CREB5: variants seen among roughly 807,000 people sequenced by gnomAD.
CREB5 encodes cyclic AMP-responsive element-binding protein 5.
CREB5 carries 19 observed loss-of-function variants against 57.1 expected under a neutral mutation model. The ratio of observed to expected loss-of-function variants is 0.33; its 90% CI spans 0.23 to 0.49. CREB5 has a LOEUF of 0.49. Among genes scored for constraint, CREB5 ranks in the 20% least tolerant of loss-of-function variants. The pLI, the probability that CREB5 is intolerant of heterozygous loss-of-function variation, is 0.99. For synonymous variants in CREB5, 238 were observed against 238.3 expected (o/e 1.00, Z 0.01); for missense variants, 579 against 671.6 (o/e 0.86, Z 1.52).
At chr7:28,695,187 AT>A (rs1801484450) in intron 5 of CREB5, among the ~76,000 whole-genome samples, 1 of 152,214 alleles carries the variant, frequency 6.6e-6, no homozygotes, top group African/African-American at 2.4e-5. Context: ...TGATGGCACC[AT>A]TGCACTACAG....
chr7:28,595,848 CAG>C (rs1691832579), intron 5 of CREB5, among the ~76,000 whole-genome samples: 2 of 152,124 alleles, frequency 1.3e-5, no homozygotes, highest in South Asian at 4.1e-4. Context: ...TCAGAGGGGC[CAG>C]GCCAGTTTTC....
At chr7:28,318,511 G>T (rs1785421150) in intron 1 of CREB5, among the ~76,000 whole-genome samples, 1 of 152,226 alleles carries the variant, frequency 6.6e-6, no homozygotes, top group South Asian at 2.1e-4. Flanking sequence ...ATTCATTTTA[G>T]AAAAAGTATG....
At chr7:28,588,508 C>G (rs1562814834) in intron 5 of CREB5, among the ~76,000 whole-genome samples, 1 of 152,192 alleles carries the variant, frequency 6.6e-6, no homozygotes, top group Non-Finnish European at 1.5e-5. Context: ...TGTGCAGCTT[C>G]TTAATTTAAA....
At chr7:28,421,326 C>A (rs1385152787) in intron 1 of CREB5, among the ~76,000 whole-genome samples, 2 of 152,114 alleles carry the variant, frequency 1.3e-5, no homozygotes, top group African/African-American at 4.8e-5. Context: ...TGATTTCATT[C>A]TTTTTTATGG....
intron 5 of CREB5, among the ~76,000 whole-genome samples, chr7:28,579,169 G>C (rs1796022020): frequency 6.6e-6 from 1 of 152,162 alleles, no homozygotes; most frequent in Non-Finnish European, 1.5e-5. Flanking sequence ...TCTAATAAAT[G>C]CTTTCTCGTA....
Position 28,495,491 on chromosome 7 carries a change from G to A in CREB5, c.169+492G>A, listed in dbSNP as rs560518336. ...CGGGAGGGGGAGGTTGCAGTGAGCTGAGATCATGCCACTGCACTCCAGCCT... is the reference window on the plus strand; with the variant it reads ...CGGGAGGGGGAGGTTGCAGTGAGCTAAGATCATGCCACTGCACTCCAGCCT... On this transcript the variant is annotated intron_variant, in intron 3 of 10. Transcript: ENST00000357727. 7.7e-4 allele frequency among the ~76,000 whole-genome samples: 116 copies of A among 150,548 alleles called. 1 individual carries two copies. Among genetic ancestry groups the A allele is most frequent in the Admixed American group, 3.0e-3 (46 of 15,100 alleles).
chr7:28,536,809 G>A (rs931190018), intron 4 of CREB5, among the ~76,000 whole-genome samples: 2 of 152,090 alleles, frequency 1.3e-5, no homozygotes, highest in Non-Finnish European at 2.9e-5. Context: ...CCCTAAAAAA[G>A]TAGCTATTTT....
chr7:28,555,568 T>C (rs1794832552), intron 4 of CREB5, among the ~76,000 whole-genome samples: 1 of 152,236 alleles, frequency 6.6e-6, no homozygotes, highest in African/African-American at 2.4e-5. Flanking sequence ...AAGACATCTA[T>C]CTGAAAAACG....
chr7:28,720,102 G>C (rs919601142), intron 6 of CREB5, among the ~76,000 whole-genome samples: 1 of 152,052 alleles, frequency 6.6e-6, no homozygotes, highest in African/African-American at 2.4e-5. Context: ...ACATAGAAGG[G>C]AGATACCCAG....
chr7:28,423,237 T>C (rs1436002009), intron 1 of CREB5, among the ~76,000 whole-genome samples: 1 of 152,232 alleles, frequency 6.6e-6, no homozygotes, highest in East Asian at 1.9e-4. Context: ...ATCAGCACCC[T>C]GTCTGAGCCT....
intron 1 of CREB5, among the ~76,000 whole-genome samples, chr7:28,357,619 TTTATCTCTCTGCTTTAGAGATG>T (rs2127991587): frequency 6.6e-6 from 1 of 152,334 alleles, no homozygotes; most frequent in South Asian, 2.1e-4. Context: ...CTGCTAGGCT[TTTATCTCTCTGCTTTAGAGATG>T]CGTGACTTCG....
chr7:28,757,974 C>T (rs1805431456), intron 7 of CREB5, among the ~76,000 whole-genome samples: 1 of 152,076 alleles, frequency 6.6e-6, no homozygotes, highest in African/African-American at 2.4e-5. Context: ...GTCCCAGTAG[C>T]AGTAGTATTA....
intron 5 of CREB5, among the ~76,000 whole-genome samples, chr7:28,639,162 A>T: frequency 6.6e-6 from 1 of 152,292 alleles, no homozygotes; most frequent in East Asian, 1.9e-4. Context: ...AGCCTCTCCT[A>T]ATATTTAACT....
intron 1 of CREB5, among the ~76,000 whole-genome samples, chr7:28,321,732 C>T (rs1279298330): frequency 6.6e-6 from 1 of 152,142 alleles, no homozygotes; most frequent in African/African-American, 2.4e-5. Flanking sequence ...GCCCCAAGCC[C>T]TAGTGCACAC....
chr7:28,618,624 A>G (rs1473622758), intron 5 of CREB5, among the ~76,000 whole-genome samples: 1 of 152,128 alleles, frequency 6.6e-6, no homozygotes, highest in African/African-American at 2.4e-5. Context: ...CTATACACAG[A>G]TACAGTCACA....
chr7:28,449,288 C>T (rs866778162), intron 1 of CREB5, among the ~76,000 whole-genome samples: 1 of 152,222 alleles, frequency 6.6e-6, no homozygotes, highest in East Asian at 1.9e-4. Context: ...TATTTGTTAG[C>T]TGTTGTAACA....
chr7:28,562,364 C>T (rs904943884), intron 4 of CREB5, among the ~76,000 whole-genome samples: 85 of 152,132 alleles, frequency 5.6e-4, no homozygotes, highest in African/African-American at 1.9e-3. Context: ...CTTGAGTATT[C>T]GACTACAAGA....
In CREB5 at chr7:28,736,709, T is replaced by G. The variant is rs7780598; in HGVS notation, c.702+12377T>G. Among the ~76,000 whole-genome samples the G allele has an allele frequency of 3.7e-3, 564 of 152,276 alleles. 6 individuals carry two copies. The highest frequency in any genetic ancestry group is 0.013 in the African/African-American group (549 of 41,550). ...CCATGCTGTCTTTGCTTTGGTTACC[T>G]TAAAGCAACGTGGTGACTGGATTTC... On this transcript the variant is annotated intron_variant, in intron 7 of 10. Transcript: ENST00000357727.
chr7:28,451,345 C>T (rs1583478229), intron 1 of CREB5, among the ~76,000 whole-genome samples: 1 of 152,222 alleles, frequency 6.6e-6, no homozygotes, highest in East Asian at 1.9e-4. Context: ...GCAAGTCTTT[C>T]TGTGGTTTGG....
Sources: gnomAD v4.1 joint callset for allele counts (sites outside exome capture counted in the v4.1 genomes callset) on GRCh38, gnomAD v4.1.1 for gene constraint, MANE v1.5 for transcripts, NCBI Gene and HGNC (gene_info 2026-07-23, HGNC 2026-07-21) for gene names.